COL1A2: variants seen among roughly 807,000 people sequenced by gnomAD.
COL1A2 encodes collagen type I alpha 2 chain.
Under a neutral mutation model 174.3 loss-of-function variants are expected in COL1A2, and 49 were observed. The ratio of observed to expected loss-of-function variants is 0.28; its 90% CI spans 0.22 to 0.36. The LOEUF (loss-of-function observed/expected upper bound fraction) is 0.36. COL1A2 is among the 10% of genes least tolerant of loss of function. COL1A2 has a pLI of 1.00. For synonymous variants in COL1A2, 655 were observed against 606.6 expected (o/e 1.08, Z -1.17); for missense variants, 1,438 against 1,822.7 (o/e 0.79, Z 3.84).
At chr7:94,398,171 C>T (rs1791618185) in intron 2 of COL1A2, among the ~76,000 whole-genome samples, 2 of 151,888 alleles carry the variant, frequency 1.3e-5, no homozygotes, top group Admixed American at 6.6e-5. Context: ...GTACGTATTG[C>T]TATGTATTTT....
At chr7:94,414,412 C>T (rs1230041122) in intron 29 of COL1A2, 137 bp downstream of exon 29, 1 of 821,962 alleles carries the variant, frequency 1.2e-6, no homozygotes, top group South Asian at 1.5e-5. Flanking sequence ...GTTTTACATA[C>T]TTTGGTGCTG....
intron 30 of COL1A2, among the ~76,000 whole-genome samples, chr7:94,415,678 A>G (rs1470329384): frequency 2.6e-5 from 4 of 152,154 alleles, no homozygotes; most frequent in African/African-American, 9.7e-5. Context: ...AAAAAAACTT[A>G]GTTTCTCTAT....
chr7:94,409,693 T>C, intron 18 of COL1A2, 30 bp from the exon 19 acceptor site: 1 of 1,613,834 alleles, frequency 6.2e-7, no homozygotes, highest in Non-Finnish European at 8.5e-7. Context: ...ATCACCTCCC[T>C]AATGGACCAC....
At chr7:94,412,536 G>T in intron 24 of COL1A2, 48 bp from the exon 25 acceptor site, 2 of 1,437,456 alleles carry the variant, frequency 1.4e-6, no homozygotes, top group African/African-American at 1.4e-5. Flanking sequence ...GCTTGAGGTT[G>T]TGAGAATATG....
At chr7:94,406,896 C>T (rs1225755582) in intron 12 of COL1A2, among the ~76,000 whole-genome samples, 10 of 152,276 alleles carry the variant, frequency 6.6e-5, no homozygotes, top group African/African-American at 2.4e-4. Context: ...AACGTAATTA[C>T]AAATTAATGA....
chr7:94,411,976 G>T, intron 23 of COL1A2, 92 bp from the exon 24 acceptor site: 1 of 1,053,936 alleles, frequency 9.5e-7, no homozygotes, highest in Non-Finnish European at 1.4e-6. Context: ...AAAAGTCGGG[G>T]GAAAAGGTGC....
In COL1A2 at chr7:94,424,404, G is replaced by A. The variant is rs762339011; in HGVS notation, c.2634G>A (p.Ser878=). The A allele has an allele frequency of 4.3e-6, 7 of 1,613,950 alleles. No individual in the cohort carries two copies. The Admixed American group carries it at 5.0e-5, about 12-fold the overall frequency. ...CTGGTATTCTGGGTCTCCCTGGCTC[G>A]AGAGGTGAACGTGGTCTACCAGGTG... ...GAPGILGLPG[S]RGERGLPGVA... is the part of the protein sequence containing the mutation. Residue 878 remains serine, a synonymous_variant, in exon 41 of 52, where the codon TCG becomes TCA. Transcript: ENST00000297268.
At chr7:94,425,000 C>T (rs1464100309) in intron 41 of COL1A2, 117 bp from the exon 42 acceptor site, 2 of 841,580 alleles carry the variant, frequency 2.4e-6, no homozygotes, top group Admixed American at 4.0e-5. Context: ...GACCCATTCA[C>T]ATTCAATTTA....
At chr7:94,426,950 A>T in intron 46 of COL1A2, 58 bp from the exon 47 acceptor site, 1 of 1,546,316 alleles carries the variant, frequency 6.5e-7, no homozygotes, top group East Asian at 2.2e-5. Context: ...AAAAAAAAAA[A>T]AAATATGTCT....
Position 94,407,833 on chromosome 7 carries a change from C to T in COL1A2, c.595-14C>T, listed in dbSNP as rs549686439. 3 of 1,613,218 alleles carry T rather than the reference C, an allele frequency of 1.9e-6. No homozygotes were observed. The highest frequency in any genetic ancestry group is 1.7e-5 in the Admixed American group (1 of 59,994). On this transcript the variant is annotated splice_polypyrimidine_tract_variant and intron_variant, in intron 12 of 51. Coordinates refer to ENST00000297268, the MANE Select transcript of COL1A2 (RefSeq NM_000089.4). ...TATATTTAATGAACAAAAACTCAAT[C>T]CTTCTCCATGTAGGGTGAACCTGGT...
At position 94,417,843 on chromosome 7, in the gene COL1A2, C is replaced by T; in HGVS notation, c.1971+12C>T. The stretch of plus-strand genomic sequence containing the variant: ...GCAAGGGAGAAAAGGTACGTGTTGA[C>T]CCCTATTACATATTGTTGATGAACT... On this transcript the variant is annotated intron_variant, in intron 32 of 51. Transcript: ENST00000297268. 1 of 1,571,588 alleles carries T rather than the reference C, an allele frequency of 6.4e-7. No individual in the cohort carries two copies.
chr7:94,415,313 T>C, intron 30 of COL1A2, 43 bp downstream of exon 30: 1 of 1,574,766 alleles, frequency 6.4e-7, no homozygotes, highest in South Asian at 1.1e-5. Context: ...TGGCAATGTG[T>C]TTTTAAAAGT....
Position 94,405,689 on chromosome 7 carries a change from C to A in COL1A2, c.503C>A (p.Pro168His). ...CTTTCTAAGGGTGCTCGTGGTTTCC[C>A]TGGAACTCCTGGACTTCCTGGCTTC... The part of the protein sequence containing the change: ...VVGPQGARGF[P>H]GTPGLPGFKG... Residue 168 changes from proline (P) to histidine (H), a missense_variant, in exon 11 of 52, where the codon CCT (proline) becomes CAT (histidine). Around this residue, in one of 3 missense-constraint regions of COL1A2, gnomAD observed 281 missense variants for 310.9 expected, o/e 0.90. Transcript: ENST00000297268. 2.5e-6 allele frequency: 4 copies of A among 1,613,528 alleles called. No homozygotes were observed. The highest frequency in any genetic ancestry group is 3.4e-6 in the Non-Finnish European group (4 of 1,179,462).
intron 31 of COL1A2, chr7:94,417,498 A>T: frequency 1.9e-6 from 1 of 538,308 alleles, no homozygotes; most frequent in Non-Finnish European, 3.4e-6. Flanking sequence ...TTATAGAGGA[A>T]TCGCAGCTGT....
rs1562907861 is a variant in COL1A2 at position 94,427,215 on chromosome 7, G to A, written c.3187G>A (p.Gly1063Arg). Residue 1063 changes from glycine to arginine, a missense_variant, in exon 48 of 52, where the codon GGA becomes AGA. Around this residue, in one of 3 missense-constraint regions of COL1A2, gnomAD observed 867 missense variants for 1,213.7 expected, o/e 0.71. Coordinates refer to ENST00000297268, the MANE Select transcript of COL1A2 (RefSeq NM_000089.4). ...RGPAGPSGPA[G>R]KDGRTGHPGT... ...CCCTGCTGGTCCTTCTGGCCCTGCTGGAAAAGATGGTCGCACTGGACATCC... is the reference window on the plus strand; with the variant it reads ...CCCTGCTGGTCCTTCTGGCCCTGCTAGAAAAGATGGTCGCACTGGACATCC... 6.2e-7 allele frequency: 1 copy of A among 1,614,050 alleles called. No individual in the cohort carries two copies. Among genetic ancestry groups the A allele is most frequent in the Admixed American group, 1.7e-5 (1 of 60,026 alleles).
Position 94,426,486 on chromosome 7 carries a change from G to T in COL1A2, c.3061G>T (p.Gly1021Cys). The part of the protein sequence containing the change: ...PGEKGPRGLP[G>C]LKGHNGLQGL... ...TGAAAAGGGGCCCAGAGGTCTTCCT[G>T]GCTTAAAGGGACACAATGGATTGCA... Residue 1021 changes from glycine (G) to cysteine (C), a missense_variant, in exon 46 of 52, where the codon GGC (glycine) becomes TGC (cysteine). Around this residue, in one of 3 missense-constraint regions of COL1A2, gnomAD observed 867 missense variants for 1,213.7 expected, o/e 0.71. Transcript: ENST00000297268. The T allele has an allele frequency of 6.2e-7, 1 of 1,607,352 alleles. No homozygotes were observed. The highest frequency in any genetic ancestry group is 1.7e-5 in the Admixed American group (1 of 59,228).
Position 94,420,462 on chromosome 7 carries a change from A to G in COL1A2, c.2187+18A>G. The G allele has an allele frequency of 6.2e-7, 1 of 1,614,216 alleles. No individual in the cohort carries two copies. Among genetic ancestry groups the G allele is most frequent in the Non-Finnish European group, 8.5e-7 (1 of 1,180,036 alleles). ...GTCCTGCTGTGAGTATCACATAATG[A>G]AGATTAATCTGAAAACATCCTAAGT... On this transcript the variant is annotated intron_variant, in intron 36 of 51. Coordinates refer to ENST00000297268, the MANE Select transcript of COL1A2 (RefSeq NM_000089.4).
In COL1A2 at chr7:94,428,497, C is replaced by A. The variant is rs555027516; in HGVS notation, c.3711+20C>A. 3.1e-6 allele frequency: 5 copies of A among 1,603,278 alleles called. No individual in the cohort carries two copies. The Admixed American group carries it at 8.3e-5, about 27-fold the overall frequency. On this transcript the variant is annotated intron_variant, in intron 50 of 51. Coordinates refer to ENST00000297268, the MANE Select transcript of COL1A2 (RefSeq NM_000089.4). The stretch of plus-strand genomic sequence containing the variant: ...AGCCAGGTGAGGAATCCCACAAACA[C>A]CTCTCCTTCTGCTAAATAATATTTT...
At chr7:94,408,500 TC>T in intron 15 of COL1A2, 120 bp downstream of exon 15, 2 of 1,270,414 alleles carry the variant, frequency 1.6e-6, no homozygotes, top group Non-Finnish European at 2.3e-6. Context: ...TTCTGTGAGG[TC>T]TTTTGAAGGC....
Sources: allele counts gnomAD v4.1 joint callset (sites outside exome capture counted in the v4.1 genomes callset), GRCh38; gene constraint gnomAD v4.1.1; regional missense constraint gnomAD v4.1.1; transcripts MANE v1.5; gene names NCBI Gene and HGNC (gene_info 2026-07-23, HGNC 2026-07-21).